Variants in SND1 observed in about 807,000 individuals in gnomAD.
SND1 encodes the protein staphylococcal nuclease and tudor domain containing 1, also known as staphylococcal nuclease domain-containing protein 1.
Under a neutral mutation model 121.7 loss-of-function variants are expected in SND1, and 38 were observed. The observed-to-expected ratio is 0.31, with a 90% CI of 0.24 to 0.41. SND1 has a LOEUF of 0.41. SND1 is among the 10% of genes least tolerant of loss of function. The pLI is 1.00. For synonymous variants in SND1, 401 were observed against 447.4 expected (o/e 0.90, Z 1.31); for missense variants, 868 against 1,184.6 (o/e 0.73, Z 3.92).
Position 128,030,260 on chromosome 7 carries a change from G to T in SND1, c.1779+39204G>T, listed in dbSNP as rs1442026379. 2.5e-6 allele frequency: 4 copies of T among 1,614,076 alleles called. No homozygotes were observed. In the African/African-American group the frequency reaches 5.3e-5, roughly 22 times the overall value. On this transcript the variant is annotated intron_variant, in intron 16 of 23. Coordinates refer to ENST00000354725, the MANE Select transcript of SND1 (RefSeq NM_014390.4). ...TCAGCCAGTTGTCGAACAGCTCCAG[G>T]GTGTTGAGGCTGGCCAGGCCGTTGA...
At chr7:127,723,602 T>C (rs973243412) in intron 10 of SND1, among the ~76,000 whole-genome samples, 7 of 152,160 alleles carry the variant, frequency 4.6e-5, no homozygotes, top group Non-Finnish European at 1.0e-4. Flanking sequence ...AATGTAGTGG[T>C]AGAAGGTACC....
At chr7:128,034,867 G>C (rs549859326) in intron 16 of SND1, among the ~76,000 whole-genome samples, 1 of 152,208 alleles carries the variant, frequency 6.6e-6, no homozygotes, top group East Asian at 1.9e-4. Context: ...TCTCATTTTG[G>C]TAACCCAAGT....
At chr7:127,984,502 C>T (rs1264637232) in intron 15 of SND1, among the ~76,000 whole-genome samples, 2 of 152,238 alleles carry the variant, frequency 1.3e-5, no homozygotes, top group African/African-American at 2.4e-5. Context: ...CATCTCAGCT[C>T]TGCGCCCTGA....
chr7:127,703,238 C>CT lies in SND1; in HGVS notation c.756dup (p.Glu253Ter), dbSNP rs1388205771. On this transcript the variant is annotated frameshift_variant, in exon 7 of 24. Coordinates refer to ENST00000354725, the MANE Select transcript of SND1 (RefSeq NM_014390.4). LOFTEE classifies it high-confidence loss of function. ...TTTGCTGCAGAAGCCAAATTTTTCA[C>CT]TGAGTCGCGACTGCTTCAGAGAGAT... 6.2e-7 allele frequency: 1 copy of CT among 1,614,154 alleles called. No individual in the cohort carries two copies. Among genetic ancestry groups the CT allele is most frequent in the East Asian group, 2.2e-5 (1 of 44,876 alleles).
intron 1 of SND1, among the ~76,000 whole-genome samples, chr7:127,655,023 G>A (rs958505799): frequency 4.6e-5 from 7 of 152,206 alleles, no homozygotes; most frequent in Non-Finnish European, 1.0e-4. Context: ...GAAAGAAATA[G>A]TTTGATGAAT....
At chr7:127,922,175 C>CTTTTTTTTTTTTTTTGTTTTTT (rs1800722065) in intron 14 of SND1, among the ~76,000 whole-genome samples, 1 of 57,176 alleles carries the variant, frequency 1.7e-5, no homozygotes, top group African/African-American at 7.5e-5. Context: ...TTTTTCTTTC[C>CTTTTTTTTTTTTTTTGTTTTTT]TTTTTTTTTT....
At position 127,885,499 on chromosome 7, in the gene SND1, G is replaced by A. The variant is rs140822902; in HGVS notation, c.1344-2403G>A. On this transcript the variant is annotated intron_variant, in intron 12 of 23. Coordinates refer to ENST00000354725, the MANE Select transcript of SND1 (RefSeq NM_014390.4). ...AGAAAGTTAGTGGGCAGGGTGTGGAGTGATTTGGGAATCTAAGGCCTCAGG... is the reference window on the plus strand; with the variant it reads ...AGAAAGTTAGTGGGCAGGGTGTGGAATGATTTGGGAATCTAAGGCCTCAGG... 1.6e-3 allele frequency among the ~76,000 whole-genome samples: 236 copies of A among 152,232 alleles called. 1 individual carries two copies. Among genetic ancestry groups the A allele is most frequent in the Non-Finnish European group, 2.9e-3 (197 of 68,006 alleles).
At chr7:127,942,997 G>A (rs1801250353) in intron 15 of SND1, among the ~76,000 whole-genome samples, 2 of 152,114 alleles carry the variant, frequency 1.3e-5, no homozygotes, top group African/African-American at 4.8e-5. Context: ...TTCATGCTAT[G>A]AGGTTGGCCT....
intron 12 of SND1, among the ~76,000 whole-genome samples, chr7:127,874,215 T>C (rs1799648161): frequency 6.6e-6 from 1 of 152,166 alleles, no homozygotes; most frequent in East Asian, 1.9e-4. Context: ...AGGGTAGTCA[T>C]CTGATGATTT....
intron 12 of SND1, among the ~76,000 whole-genome samples, chr7:127,887,231 A>G (rs1466408812): frequency 6.6e-6 from 1 of 152,060 alleles, no homozygotes; most frequent in Non-Finnish European, 1.5e-5. Flanking sequence ...TCCTGGGCTC[A>G]AGTGATCCCA....
At chr7:128,062,419 A>C (rs868289678) in intron 16 of SND1, among the ~76,000 whole-genome samples, 1 of 152,204 alleles carries the variant, frequency 6.6e-6, no homozygotes, top group Non-Finnish European at 1.5e-5. Context: ...AGAAGGGGCA[A>C]GGGAGTCCCT....
intron 11 of SND1, among the ~76,000 whole-genome samples, chr7:127,826,400 C>T (rs1798644082): frequency 6.6e-6 from 1 of 151,912 alleles, no homozygotes; most frequent in East Asian, 1.9e-4. Context: ...ATATTGGTAT[C>T]AACTAGATTC....
rs202207229 is a variant in SND1 at position 128,076,017 on chromosome 7, G to A, written c.1968+1327G>A. On this transcript the variant is annotated intron_variant, in intron 17 of 23. Transcript: ENST00000354725. ...TTCACAGAAGAGTTAGCAGCTGGGG[G>A]TAGAGCGGCAAGCCCCAGAGTCTAA... is the stretch of plus-strand genomic sequence containing the variant. Among the ~76,000 whole-genome samples, 3 of 152,236 alleles carry A rather than the reference G, an allele frequency of 2.0e-5. No homozygotes were observed. The East Asian group carries it at 5.8e-4, about 29-fold the overall frequency.
intron 16 of SND1, among the ~76,000 whole-genome samples, chr7:128,004,794 TAG>T (rs772716266): frequency 6.6e-6 from 1 of 152,242 alleles, no homozygotes; most frequent in Non-Finnish European, 1.5e-5. Context: ...CGTATTTACA[TAG>T]AGTTTGCAAT....
At chr7:128,002,036 G>GT (rs1435565593) in intron 16 of SND1, among the ~76,000 whole-genome samples, 3 of 152,200 alleles carry the variant, frequency 2.0e-5, no homozygotes, top group Non-Finnish European at 2.9e-5. Context: ...CTGGATCTAG[G>GT]TATGTGTGTT....
At chr7:127,939,304 C>T (rs918646908) in intron 15 of SND1, among the ~76,000 whole-genome samples, 7 of 152,254 alleles carry the variant, frequency 4.6e-5, no homozygotes, top group Admixed American at 3.9e-4. Flanking sequence ...AGAGCCTCAG[C>T]ATGCCAATAC....
intron 12 of SND1, chr7:127,858,617 A>G (rs182548444): frequency 9.9e-5 from 29 of 292,398 alleles, no homozygotes; most frequent in African/African-American, 4.3e-4. Context: ...GGGAACAAAA[A>G]CACCACTCTC....
intron 1 of SND1, among the ~76,000 whole-genome samples, chr7:127,672,804 C>T (rs1039239388): frequency 3.0e-4 from 45 of 152,076 alleles, no homozygotes; most frequent in Non-Finnish European, 7.4e-5. Context: ...CCAAGAGTTA[C>T]TTTATAGAAT....
intron 11 of SND1, among the ~76,000 whole-genome samples, chr7:127,828,009 T>A (rs1798674067): frequency 6.6e-6 from 1 of 152,130 alleles, no homozygotes; most frequent in Admixed American, 6.5e-5. Flanking sequence ...GCAAGTTTTT[T>A]TGTTTGTTTG....
Sources: gnomAD v4.1 joint callset for allele counts (sites outside exome capture counted in the v4.1 genomes callset) on GRCh38, gnomAD v4.1.1 for gene constraint, MANE v1.5 for transcripts, NCBI Gene and HGNC (gene_info 2026-07-23, HGNC 2026-07-21) for gene names.